The following TRHDE variants were observed in gnomAD, a reference collection of about 807,000 sequenced individuals.
TRHDE encodes thyrotropin-releasing hormone-degrading ectoenzyme.
In TRHDE, 72 loss-of-function variants were observed where a neutral mutation model predicts 125.7. The observed-to-expected ratio is 0.57, with a 90% CI of 0.47 to 0.70. The LOEUF (loss-of-function observed/expected upper bound fraction) is 0.70, where lower values mean the gene tolerates loss of function less well. Ranked by LOEUF, TRHDE falls within the 30% of genes least tolerant of loss-of-function variation. The probability of loss-of-function intolerance (pLI) is 0.00; values close to 1 mark genes in which losing one functional copy is unlikely to be tolerated. For missense variants in TRHDE, 1,110 were observed against 1,327.1 expected, an observed-to-expected ratio of 0.84 and a Z score of 2.54; for synonymous variants, 509 against 509.1, an observed-to-expected ratio of 1.00 and a Z score of 0.00.
At chr12:72,517,271 T>C (rs1878919049) in intron 6 of TRHDE, among the ~76,000 whole-genome samples, 3 of 150,716 alleles carry the variant, frequency 2.0e-5, no homozygotes, top group East Asian at 2.0e-4. Context: ...ATCCATCTGG[T>C]CCTGGACTCT....
intron 7 of TRHDE, among the ~76,000 whole-genome samples, chr12:72,544,537 CT>C (rs1464600463): frequency 6.6e-6 from 1 of 151,330 alleles, no homozygotes; most frequent in Admixed American, 6.6e-5. Context: ...ATTCTCCCCC[CT>C]TTTTTTCTCC....
At chr12:72,196,861 C>A (rs536399674) in intron 2 of TRHDE, among the ~76,000 whole-genome samples, 37 of 152,122 alleles carry the variant, frequency 2.4e-4, no homozygotes, top group South Asian at 1.2e-3. Flanking sequence ...AAATCTCCCT[C>A]CAGATATTGC....
At chr12:72,505,694 G>T (rs1387534921) in intron 6 of TRHDE, among the ~76,000 whole-genome samples, 4 of 152,150 alleles carry the variant, frequency 2.6e-5, no homozygotes, top group Non-Finnish European at 4.4e-5. Context: ...AGGGATCATT[G>T]GGGACATAAA....
intron 6 of TRHDE, among the ~76,000 whole-genome samples, chr12:72,529,685 G>A (rs1394473094): frequency 6.6e-6 from 1 of 152,168 alleles, no homozygotes; most frequent in Admixed American, 6.6e-5. Flanking sequence ...TCATATGTGA[G>A]TGTTGGTCGT....
rs1181670563 is a variant in TRHDE at position 72,472,481 on chromosome 12, A to G, written c.1471-586A>G. On this transcript the variant is annotated intron_variant, in intron 4 of 18. Coordinates refer to ENST00000261180, the MANE Select transcript of TRHDE (RefSeq NM_013381.3). ...ATTATAATAGAATCATGGAGAGTCA[A>G]GGGTGAGGGACCTCAAAAACCCTTA... 3.9e-5 allele frequency among the ~76,000 whole-genome samples: 6 copies of G among 152,306 alleles called. No homozygotes were observed. The South Asian group carries it at 1.0e-3, about 26-fold the overall frequency.
At chr12:72,374,334 A>G (rs748195495) in intron 2 of TRHDE, among the ~76,000 whole-genome samples, 24 of 129,550 alleles carry the variant, frequency 1.9e-4, no homozygotes, top group Non-Finnish European at 3.4e-4. Flanking sequence ...TGTGTGTGTG[A>G]TATCAGGAGT....
chr12:72,117,203 A>G (rs1417741761), intron 2 of TRHDE, among the ~76,000 whole-genome samples: 1 of 151,920 alleles, frequency 6.6e-6, no homozygotes, highest in Non-Finnish European at 1.5e-5. Flanking sequence ...GTAGTTTTAT[A>G]GTTTTAGGTC....
At chr12:72,572,463 AG>A (rs1870791217) in intron 10 of TRHDE, among the ~76,000 whole-genome samples, 2 of 152,102 alleles carry the variant, frequency 1.3e-5, no homozygotes, top group African/African-American at 4.8e-5. Flanking sequence ...ATACCTCATT[AG>A]GCCATTGGAA....
intron 2 of TRHDE, among the ~76,000 whole-genome samples, chr12:72,310,881 T>A (rs1249202710): frequency 1.3e-5 from 2 of 152,136 alleles, no homozygotes; most frequent in Admixed American, 6.6e-5. Context: ...CAATTTTTTT[T>A]AAAGATTTCT....
At chr12:72,194,006 T>C (rs1290420329) in intron 2 of TRHDE, among the ~76,000 whole-genome samples, 3 of 152,084 alleles carry the variant, frequency 2.0e-5, no homozygotes, top group Admixed American at 1.3e-4. Context: ...AATATTGTCA[T>C]CTATTATTTG....
chr12:72,200,312 T>C (rs929004508), intron 2 of TRHDE, among the ~76,000 whole-genome samples: 5 of 152,232 alleles, frequency 3.3e-5, no homozygotes, highest in Non-Finnish European at 7.4e-5. Context: ...ATAGAAAAGA[T>C]AGTGAGGAGG....
chr12:72,451,300 T>C (rs1875557397), intron 3 of TRHDE, among the ~76,000 whole-genome samples: 1 of 152,226 alleles, frequency 6.6e-6, no homozygotes, highest in African/African-American at 2.4e-5. Flanking sequence ...TTGACTTGTG[T>C]ATATGGTATG....
Position 72,544,224 on chromosome 12 carries a change from T to G in TRHDE, c.1788+1868T>G, listed in dbSNP as rs571296483. 2.2e-3 allele frequency among the ~76,000 whole-genome samples: 336 copies of G among 151,570 alleles called. 2 individuals carry two copies. The highest frequency in any genetic ancestry group is 7.6e-3 in the African/African-American group (314 of 41,456). ...AGATCCCTACATCTAGGTGATAAATTATCATCTCTTGTGCATGAAGATGTA... is the reference window on the plus strand; with the variant it reads ...AGATCCCTACATCTAGGTGATAAATGATCATCTCTTGTGCATGAAGATGTA... On this transcript the variant is annotated intron_variant, in intron 7 of 18. Transcript: ENST00000261180.
chr12:72,143,438 G>A (rs1351116297), intron 2 of TRHDE, among the ~76,000 whole-genome samples: 1 of 151,998 alleles, frequency 6.6e-6, no homozygotes, highest in Non-Finnish European at 1.5e-5. Flanking sequence ...GAAACAAAAG[G>A]GAGAGAGCAT....
chr12:72,583,373 C>T (rs1871315477), intron 12 of TRHDE, among the ~76,000 whole-genome samples: 1 of 152,130 alleles, frequency 6.6e-6, no homozygotes, highest in African/African-American at 2.4e-5. Flanking sequence ...CCAGGAGCTT[C>T]ATGGCCATTC....
intron 2 of TRHDE, among the ~76,000 whole-genome samples, chr12:72,180,333 T>A (rs1037182906): frequency 2.0e-5 from 3 of 152,156 alleles, no homozygotes; most frequent in Admixed American, 6.5e-5. Context: ...AATATTATAA[T>A]AAGAATTAAC....
intron 3 of TRHDE, among the ~76,000 whole-genome samples, chr12:72,461,520 A>G (rs999517418): frequency 6.6e-6 from 1 of 152,112 alleles, no homozygotes; most frequent in Admixed American, 6.6e-5. Flanking sequence ...CCCATATATT[A>G]ATCTTCAGAG....
upstream of TRHDE, among the ~76,000 whole-genome samples, chr12:72,268,638 C>G (rs1426907834): frequency 1.3e-5 from 2 of 152,042 alleles, no homozygotes; most frequent in Non-Finnish European, 1.5e-5. Flanking sequence ...TAACTATGTG[C>G]TTCTATATAC....
Position 72,156,898 on chromosome 12 carries a change from C to T in TRHDE, n.279+51146C>T, listed in dbSNP as rs538459458. 1.1e-4 allele frequency among the ~76,000 whole-genome samples: 16 copies of T among 152,274 alleles called. 1 individual carries two copies. Among genetic ancestry groups the T allele is most frequent in the Non-Finnish European group, 1.9e-4 (13 of 68,024 alleles). The stretch of plus-strand genomic sequence containing the variant: ...TGCCCTTTTAAAGCTGACATTCTAG[C>T]ATCACATAATAGAATGTTTGGTAGC... On this transcript the variant is annotated intron_variant and non_coding_transcript_variant, in intron 2 of 4. Coordinates refer to the TRHDE transcript ENST00000548156.
Sources: gnomAD v4.1 joint callset for allele counts (sites outside exome capture counted in the v4.1 genomes callset) on GRCh38, gnomAD v4.1.1 for gene constraint, MANE v1.5 for transcripts, NCBI Gene and HGNC (gene_info 2026-07-23, HGNC 2026-07-21) for gene names.